The following TRAF2 variants were observed in gnomAD, a reference collection of about 807,000 sequenced individuals.
The protein encoded by TRAF2 is TNF receptor associated factor 2, also known as TNF receptor-associated factor 2.
In TRAF2, 6 loss-of-function variants were observed where a neutral mutation model predicts 55.6. The observed-to-expected ratio is 0.11, with a 90% CI of 0.06 to 0.21. TRAF2 has a LOEUF of 0.21. Ranked by LOEUF, TRAF2 falls within the 10% of genes least tolerant of loss-of-function variation. TRAF2 has a pLI of 1.00. For synonymous variants in TRAF2, 329 were observed against 276.3 expected (o/e 1.19, Z -1.89); for missense variants, 561 against 684.5 (o/e 0.82, Z 2.01).
At position 136,923,898 on chromosome 9, in the gene TRAF2, C is replaced by T. The variant is rs759500833; in HGVS notation, c.1185C>T (p.Tyr395=). Residue 395 remains tyrosine, a synonymous_variant, in exon 10 of 11, where the codon TAC becomes TAT. Transcript: ENST00000247668. The part of the protein sequence containing the change: ...RYGYKMCLRI[Y]LNGDGTGRGT... ...GCTACAAGATGTGTCTGCGTATCTA[C>T]CTGAACGGCGACGGCACCGGGCGAG... 3 of 1,614,008 alleles carry T rather than the reference C, an allele frequency of 1.9e-6. No homozygotes were observed. The highest frequency in any genetic ancestry group is 1.7e-6 in the Non-Finnish European group (2 of 1,180,014).
rs1849451675 is a variant in TRAF2 at position 136,886,542 on chromosome 9, G to C, written c.-29+1G>C. 1.0e-6 allele frequency: 1 copy of C among 987,304 alleles called. No homozygotes were observed. The highest frequency in any genetic ancestry group is 1.8e-5 in the African/African-American group (1 of 57,086). The allele number at this position is 987,304 out of a possible 1,614,324, so 61.2% of individuals were successfully genotyped here. Reference sequence around the variant, plus strand: ...GTTCCGGGCGCGCTGCGACCGTTGGGTGAGGCGAGCGCGGGGTCGGGTGCG... The same window carrying C: ...GTTCCGGGCGCGCTGCGACCGTTGGCTGAGGCGAGCGCGGGGTCGGGTGCG... On this transcript the variant is annotated splice_donor_variant, in intron 1 of 10. Coordinates refer to ENST00000247668, the MANE Select transcript of TRAF2 (RefSeq NM_021138.4). LOFTEE classifies it low-confidence loss of function (5UTR_SPLICE).
chr9:136,886,699 C>T (rs930805326), intron 1 of TRAF2, 158 bp downstream of exon 1: 5 of 393,162 alleles, frequency 1.3e-5, no homozygotes, highest in Admixed American at 6.4e-5. Flanking sequence ...GGGGCGGGGC[C>T]AGCCCGAGGG....
chr9:136,892,300 A>G (rs17250771), intron 1 of TRAF2, among the ~76,000 whole-genome samples: 4,809 of 151,488 alleles, frequency 0.032, 142 homozygotes, highest in Non-Finnish European at 0.039. Context: ...CGTCTCTACT[A>G]AAAAATACAA....
At chr9:136,901,879 C>T (rs900903269) in intron 4 of TRAF2, 1 of 152,146 alleles carries the variant, frequency 6.6e-6, no homozygotes, top group Non-Finnish European at 1.5e-5. Context: ...CTTCTCCTCG[C>T]CCACTCCCCA....
intron 4 of TRAF2, chr9:136,900,815 A>C: frequency 2.8e-6 from 1 of 361,666 alleles, no homozygotes; most frequent in Non-Finnish European, 5.3e-6. Context: ...GGATCCCACC[A>C]TCGTGGGGTG....
rs372396604 is a variant in TRAF2 at position 136,925,485 on chromosome 9, TGGCTGGGGAG to T, written c.1288-187_1288-178del. Reference sequence around the variant, plus strand: ...TCCCCAGAGAGAAGCGGAATGCCGGTGGCTGGGGAGGGCTGGGGAGCCCGGGCGCTGTGGC... The same window carrying T: ...TCCCCAGAGAGAAGCGGAATGCCGGTGGCTGGGGAGCCCGGGCGCTGTGGC... On this transcript the variant is annotated intron_variant, in intron 10 of 10. Transcript: ENST00000247668. 3.3e-3 allele frequency among the ~76,000 whole-genome samples: 506 copies of T among 152,218 alleles called. 4 individuals are homozygous for T. The highest frequency in any genetic ancestry group is 0.012 in the African/African-American group (482 of 41,514).
intron 9 of TRAF2, among the ~76,000 whole-genome samples, chr9:136,921,732 G>A (rs546351290): frequency 1.4e-4 from 21 of 151,348 alleles, no homozygotes; most frequent in African/African-American, 4.9e-4. Context: ...GGGGTCTCTT[G>A]AGAGGGTGCT....
chr9:136,900,024 G>A (rs754812673), intron 3 of TRAF2, among the ~76,000 whole-genome samples: 33 of 152,236 alleles, frequency 2.2e-4, no homozygotes, highest in Admixed American at 5.2e-4. Flanking sequence ...AAAATTAGCC[G>A]GGTGTGGTGG....
chr9:136,923,865 C>G lies in TRAF2; in HGVS notation c.1152C>G (p.Ser384Arg). The G allele has an allele frequency of 6.2e-7, 1 of 1,613,646 alleles. No individual in the cohort carries two copies. The highest frequency in any genetic ancestry group is 1.3e-5 in the African/African-American group (1 of 75,028). ...PAIFSPAFYT[S>R]RYGYKMCLRI... is the part of the protein sequence containing the mutation. ...CTGCCTCCCCAGCCTTCTACACCAGCAGGTACGGCTACAAGATGTGTCTGC... is the reference window on the plus strand; with the variant it reads ...CTGCCTCCCCAGCCTTCTACACCAGGAGGTACGGCTACAAGATGTGTCTGC... The change falls in exon 10 of 11, where the codon AGC (serine) becomes AGG (arginine). Residue 384 changes from serine (S) to arginine (R), a missense_variant. Transcript: ENST00000247668.
chr9:136,924,096 C>G, intron 10 of TRAF2, 96 bp downstream of exon 10: 1 of 1,459,706 alleles, frequency 6.9e-7, no homozygotes, highest in South Asian at 1.3e-5. Context: ...GACAAGGTGG[C>G]TTGGGCTCGC....
chr9:136,891,591 G>A (rs1452566460), intron 1 of TRAF2, among the ~76,000 whole-genome samples: 1 of 152,002 alleles, frequency 6.6e-6, no homozygotes, highest in Non-Finnish European at 1.5e-5. Flanking sequence ...AGGGCAGGGA[G>A]GGCACACCTC....
At chr9:136,882,441 C>T (rs1849385527), upstream of TRAF2, among the ~76,000 whole-genome samples, 1 of 152,210 alleles carries the variant, frequency 6.6e-6, no homozygotes, top group African/African-American at 2.4e-5. Flanking sequence ...ATGGTCATGC[C>T]GCCCCTCCAG....
chr9:136,913,295 ATTTT>A (rs369765173), intron 6 of TRAF2, among the ~76,000 whole-genome samples: 8 of 87,066 alleles, frequency 9.2e-5, no homozygotes, highest in African/African-American at 2.5e-4. Flanking sequence ...TTATAAAGGA[ATTTT>A]TTTTTTTTTT....
chr9:136,898,540 A>G (rs1329696625), intron 1 of TRAF2, 173 bp from the exon 2 acceptor site: 1 of 976,340 alleles, frequency 1.0e-6, no homozygotes, highest in African/African-American at 1.8e-5. Flanking sequence ...AGATGGGACT[A>G]GAGGGTCTCC....
chr9:136,898,480 CTG>C, intron 1 of TRAF2: 2 of 672,328 alleles, frequency 3.0e-6, no homozygotes, highest in Non-Finnish European at 3.7e-6. Flanking sequence ...TGGATGCCAG[CTG>C]TGTGGTCCCC....
At chr9:136,898,288 T>C (rs572458893) in intron 1 of TRAF2, among the ~76,000 whole-genome samples, 2 of 152,310 alleles carry the variant, frequency 1.3e-5, no homozygotes, top group African/African-American at 2.4e-5. Flanking sequence ...TCAGAAGGCA[T>C]CCACCACTCT....
chr9:136,915,739 C>T (rs1332286254), intron 6 of TRAF2, among the ~76,000 whole-genome samples: 1 of 152,136 alleles, frequency 6.6e-6, no homozygotes, highest in Non-Finnish European at 1.5e-5. Context: ...TGACCGAGCC[C>T]ATCTGTGCTT....
Position 136,926,258 on chromosome 9 carries a change from C to T in TRAF2, c.*357C>T, listed in dbSNP as rs958756474. Reference sequence around the variant, plus strand: ...AGTGGGAGCACATCCCAGCAGTGCCCATGTAGCAGGAGCACAGTGGATGGC... The same window carrying T: ...AGTGGGAGCACATCCCAGCAGTGCCTATGTAGCAGGAGCACAGTGGATGGC... On this transcript the variant is annotated 3_prime_UTR_variant, in exon 11 of 11. Coordinates refer to ENST00000247668, the MANE Select transcript of TRAF2 (RefSeq NM_021138.4). The T allele has an allele frequency of 2.5e-6, 1 of 402,502 alleles. No homozygotes were observed. Among genetic ancestry groups the T allele is most frequent in the Non-Finnish European group, 4.8e-6 (1 of 208,460 alleles). 24.9% of individuals were successfully genotyped at this position (402,502 alleles called of 1,614,324 possible).
chr9:136,893,510 G>C (rs1421553915), intron 1 of TRAF2, among the ~76,000 whole-genome samples: 2 of 152,192 alleles, frequency 1.3e-5, no homozygotes, highest in African/African-American at 4.8e-5. Flanking sequence ...TGTATGCGGC[G>C]TCAGTTTTGG....
Sources: allele counts gnomAD v4.1 joint callset (sites outside exome capture counted in the v4.1 genomes callset), GRCh38; gene constraint gnomAD v4.1.1; transcripts MANE v1.5; gene names NCBI Gene and HGNC (gene_info 2026-07-23, HGNC 2026-07-21).